Variants in DLC1 observed in about 807,000 individuals in gnomAD.
DLC1 encodes DLC1 Rho GTPase activating protein.
In DLC1, 54 loss-of-function variants were observed where a neutral mutation model predicts 140.3. That is an observed-to-expected ratio of 0.38 (90% CI 0.31 to 0.48). The LOEUF (loss-of-function observed/expected upper bound fraction) is 0.48. DLC1 is among the 20% of genes least tolerant of loss of function. The pLI is 0.96. For synonymous variants in DLC1, 986 were observed against 728.1 expected (o/e 1.35, Z -5.70); for missense variants, 2,536 against 1,907.0 (o/e 1.33, Z -6.14).
chr8:13,236,810 T>C (rs1335637015), intron 5 of DLC1, among the ~76,000 whole-genome samples: 1 of 152,052 alleles, frequency 6.6e-6, no homozygotes, highest in Admixed American at 6.6e-5. Flanking sequence ...TCTAAAAGGG[T>C]GAATTTGCTA....
rs1236395843 is a variant in DLC1 at position 13,579,361 on chromosome 8, A to ATATATAT, written c.-126+25175_-126+25176insATATATA. ...TATATATATATATATATATATATAT[A>ATATATAT]TTTTTATATAATACATATTTATATA... On this transcript the variant is annotated intron_variant, in intron 1 of 1. Coordinates refer to the DLC1 transcript ENST00000631382. Among the ~76,000 whole-genome samples the ATATATAT allele has an allele frequency of 7.8e-5, 2 of 25,490 alleles. 1 individual carries two copies. Among genetic ancestry groups the ATATATAT allele is most frequent in the Non-Finnish European group, 1.3e-4 (2 of 15,946 alleles). 16.7% of individuals were successfully genotyped at this position (25,490 alleles called of 152,430 possible).
chr8:13,439,975 A>C (rs2116915812), intron 2 of DLC1, among the ~76,000 whole-genome samples: 1 of 152,310 alleles, frequency 6.6e-6, no homozygotes, highest in Non-Finnish European at 1.5e-5. Context: ...AAATGACCAT[A>C]AAAATAGTTA....
chr8:13,393,054 A>G (rs1246104971), intron 4 of DLC1, among the ~76,000 whole-genome samples: 1 of 152,128 alleles, frequency 6.6e-6, no homozygotes, highest in Non-Finnish European at 1.5e-5. Context: ...AAATATATTT[A>G]TATAATTATT....
chr8:13,382,235 C>T (rs1034130976), intron 4 of DLC1, among the ~76,000 whole-genome samples: 5 of 151,802 alleles, frequency 3.3e-5, no homozygotes, highest in South Asian at 2.1e-4. Context: ...AGGCCGGGCG[C>T]GGTGGCTCAC....
chr8:13,602,473 C>G (rs764505317), intron 1 of DLC1, among the ~76,000 whole-genome samples: 27 of 151,658 alleles, frequency 1.8e-4, no homozygotes, highest in Non-Finnish European at 3.7e-4. Flanking sequence ...GAGATGTATA[C>G]AATATCGATT....
At chr8:13,220,538 C>T (rs973992308) in intron 5 of DLC1, among the ~76,000 whole-genome samples, 2 of 152,080 alleles carry the variant, frequency 1.3e-5, no homozygotes, top group Non-Finnish European at 2.9e-5. Flanking sequence ...GTAAACACAT[C>T]AAGTAGAACA....
At chr8:13,539,189 A>G (rs934660780) in intron 1 of DLC1, among the ~76,000 whole-genome samples, 11 of 151,544 alleles carry the variant, frequency 7.3e-5, no homozygotes, top group African/African-American at 2.4e-4. Flanking sequence ...GTATGTGTGT[A>G]TGTATGTATG....
chr8:13,449,051 T>C (rs947544978), intron 2 of DLC1, among the ~76,000 whole-genome samples: 17 of 152,280 alleles, frequency 1.1e-4, no homozygotes, highest in African/African-American at 4.1e-4. Flanking sequence ...AAAAAAACAA[T>C]TTAATGAGCA....
chr8:13,133,317 CCTCCCGCT>C lies in DLC1; in HGVS notation c.1349-17668_1349-17661del, dbSNP rs1585729342. ...CTCCCGCGCGCTCCGCCAGCCGGGC[CCTCCCGCT>C]GGGCCCACCCCCCGAGGGGCGGGGC... is the stretch of plus-strand genomic sequence containing the variant. On this transcript the variant is annotated intron_variant, in intron 5 of 17. Coordinates refer to ENST00000276297, the MANE Select transcript of DLC1 (RefSeq NM_182643.3). The C allele has an allele frequency of 4.2e-6, 5 of 1,199,436 alleles. No individual in the cohort carries two copies. In the East Asian group the frequency reaches 2.6e-4, roughly 63 times the overall value. 74.3% of individuals were successfully genotyped at this position (1,199,436 alleles called of 1,614,324 possible).
intron 4 of DLC1, among the ~76,000 whole-genome samples, chr8:13,347,077 G>A (rs1179536781): frequency 6.6e-6 from 1 of 152,194 alleles, no homozygotes; most frequent in Non-Finnish European, 1.5e-5. Context: ...ATCATATGAT[G>A]TATGTATAGG....
At chr8:13,146,703 C>G (rs1474688516) in intron 5 of DLC1, among the ~76,000 whole-genome samples, 1 of 151,996 alleles carries the variant, frequency 6.6e-6, no homozygotes, top group Non-Finnish European at 1.5e-5. Flanking sequence ...ATTGCTTGTG[C>G]TATTAGAATG....
chr8:13,418,907 T>C (rs1175559863), intron 2 of DLC1, among the ~76,000 whole-genome samples: 10 of 152,142 alleles, frequency 6.6e-5, no homozygotes. Flanking sequence ...TGGTTTGTAG[T>C]TCTCCTTGAA....
intron 5 of DLC1, among the ~76,000 whole-genome samples, chr8:13,261,860 G>A (rs962478143): frequency 3.3e-5 from 5 of 152,206 alleles, no homozygotes; most frequent in African/African-American, 1.2e-4. Flanking sequence ...ACATGTTTCA[G>A]CATTTGTAAA....
At chr8:13,313,719 C>A (rs1021232652) in intron 4 of DLC1, among the ~76,000 whole-genome samples, 1 of 152,222 alleles carries the variant, frequency 6.6e-6, no homozygotes, top group Non-Finnish European at 1.5e-5. Flanking sequence ...CTTGTTTCCA[C>A]ATGTTTATTT....
rs180859144 is a variant in DLC1 at position 13,489,372 on chromosome 8, A to T, written c.1023+9677T>A. On this transcript the variant is annotated intron_variant, in intron 2 of 17. Transcript: ENST00000276297. ...CCCGAGATTTTTCTAAGAAACTCTC[A>T]GATCTATAATTAGGGCAATTTAGTA... 2.4e-4 allele frequency among the ~76,000 whole-genome samples: 29 copies of T among 120,890 alleles called. No individual in the cohort carries two copies. In the East Asian group the frequency reaches 7.9e-3, roughly 33 times the overall value. 79.3% of individuals were successfully genotyped at this position (120,890 alleles called of 152,430 possible). A position where few individuals can be genotyped will look rare whatever the true frequency, so the allele number is the denominator to read the frequency against.
chr8:13,296,639 A>C (rs2117484019), intron 5 of DLC1, among the ~76,000 whole-genome samples: 1 of 152,290 alleles, frequency 6.6e-6, no homozygotes, highest in African/African-American at 2.4e-5. Context: ...ATTGATTCAA[A>C]ACTATTTCTT....
At chr8:13,371,214 C>A (rs1285427934) in intron 4 of DLC1, among the ~76,000 whole-genome samples, 1 of 152,012 alleles carries the variant, frequency 6.6e-6, no homozygotes, top group Non-Finnish European at 1.5e-5. Flanking sequence ...TCCATGTATG[C>A]CTCCTCTTCC....
At chr8:13,249,712 C>A (rs368142665) in intron 5 of DLC1, among the ~76,000 whole-genome samples, 1 of 152,306 alleles carries the variant, frequency 6.6e-6, no homozygotes, top group Non-Finnish European at 1.5e-5. Flanking sequence ...TCTCTTCCAT[C>A]CTGATTAAGA....
At chr8:13,581,587 C>G (rs958129290) in intron 1 of DLC1, among the ~76,000 whole-genome samples, 1 of 152,136 alleles carries the variant, frequency 6.6e-6, no homozygotes, top group South Asian at 2.1e-4. Flanking sequence ...CCACTGTCAC[C>G]CACCTTATTT....
Sources: allele counts gnomAD v4.1 joint callset (sites outside exome capture counted in the v4.1 genomes callset), GRCh38; gene constraint gnomAD v4.1.1; transcripts MANE v1.5; gene names NCBI Gene and HGNC (gene_info 2026-07-23, HGNC 2026-07-21).